Variants in ENO4 observed in about 807,000 individuals in gnomAD.
The protein encoded by ENO4 is 2-phospho-D-glycerate hydro-lyase.
In ENO4, 53 loss-of-function variants were observed where a neutral mutation model predicts 63.2. The observed-to-expected ratio is 0.84, with a 90% CI of 0.67 to 1.05. The LOEUF (loss-of-function observed/expected upper bound fraction) is 1.05. ENO4 is among the 50% of genes least tolerant of loss of function. The pLI is 0.00. For missense variants in ENO4, 719 were observed against 772.0 expected (o/e 0.93, Z 0.81); for synonymous variants, 266 against 283.8 (o/e 0.94, Z 0.63).
chr10:116,850,979 C>T (rs1259866867), intron 1 of ENO4, among the ~76,000 whole-genome samples: 2 of 152,206 alleles, frequency 1.3e-5, no homozygotes, highest in Non-Finnish European at 2.9e-5. Context: ...ATGCTTGACT[C>T]TCATTCCATT....
In ENO4 at chr10:116,855,511, C is replaced by G. The variant is rs181224360; in HGVS notation, c.166-112C>G. 6.0e-6 allele frequency: 8 copies of G among 1,341,446 alleles called. No homozygotes were observed. In the Admixed American group the frequency reaches 6.0e-5, roughly 10 times the overall value. 83.1% of individuals were successfully genotyped at this position (1,341,446 alleles called of 1,614,324 possible). ...TACTCGCGGAGAGGTTTGGTAGAAA[C>G]TAGAGTCAATGTGAATGACCTTTTG... On this transcript the variant is annotated intron_variant, in intron 1 of 13. Coordinates refer to ENST00000341276, the MANE Select transcript of ENO4 (RefSeq NM_001242699.2).
At chr10:116,881,429 CTGAAGA>C (rs1295069035) in intron 13 of ENO4, 80 bp from the exon 14 acceptor site, 4 of 1,057,626 alleles carry the variant, frequency 3.8e-6, no homozygotes, top group Non-Finnish European at 2.7e-6. Flanking sequence ...TGGACTAGTA[CTGAAGA>C]TGATCTCCTT....
chr10:116,869,742 T>A (rs1350675919), intron 8 of ENO4, among the ~76,000 whole-genome samples: 2 of 150,522 alleles, frequency 1.3e-5, no homozygotes, highest in Non-Finnish European at 2.9e-5. Flanking sequence ...ACATCAGCCT[T>A]CCCTGTAATA....
At chr10:116,878,326 C>T (rs1846892695) in intron 11 of ENO4, among the ~76,000 whole-genome samples, 1 of 152,180 alleles carries the variant, frequency 6.6e-6, no homozygotes, top group African/African-American at 2.4e-5. Context: ...GAAGAAGATG[C>T]TCAGGCAGGG....
intron 10 of ENO4, among the ~76,000 whole-genome samples, chr10:116,893,232 G>T (rs1295273152): frequency 2.0e-5 from 3 of 151,944 alleles, no homozygotes; most frequent in African/African-American, 7.3e-5. Context: ...TGGCAGCGGG[G>T]GAAGGAAAAA....
intron 10 of ENO4, among the ~76,000 whole-genome samples, chr10:116,893,607 A>C (rs948549455): frequency 4.1e-4 from 1 of 2,460 alleles, no homozygotes; most frequent in Non-Finnish European, 1.3e-3. Flanking sequence ...CGAGAAAGAA[A>C]GCGGAGAAGC....
intron 10 of ENO4, chr10:116,900,465 A>G (rs978527130): frequency 2.3e-5 from 30 of 1,304,986 alleles, no homozygotes; most frequent in Non-Finnish European, 3.1e-5. Context: ...TTGGAAATGT[A>G]ATTTCCACTT....
In ENO4 at chr10:116,856,529, T is replaced by G; in HGVS notation, c.332T>G (p.Val111Gly). 1 of 1,535,830 alleles carries G rather than the reference T, an allele frequency of 6.5e-7. No homozygotes were observed. Among genetic ancestry groups the G allele is most frequent in the Non-Finnish European group, 8.7e-7 (1 of 1,146,844 alleles). Residue 111 changes from valine to glycine, a missense_variant, in exon 3 of 14, where the codon GTC (valine) becomes GGC (glycine). Val to Gly is a moderately radical substitution (Grantham distance 109, BLOSUM62 -3). Transcript: ENST00000341276. Reference protein sequence around the residue: ...CSVVISTHFEVHENALPELAK... With the variant: ...CSVVISTHFEGHENALPELAK... ...GTGGTGATCTCGACTCATTTTGAAGTCCATGAGAATGCTCTGCCCGAGCTG... is the reference window on the plus strand; with the variant it reads ...GTGGTGATCTCGACTCATTTTGAAGGCCATGAGAATGCTCTGCCCGAGCTG...
At chr10:116,869,363 C>T (rs1220703879) in intron 8 of ENO4, among the ~76,000 whole-genome samples, 2 of 152,144 alleles carry the variant, frequency 1.3e-5, no homozygotes, top group South Asian at 2.1e-4. Context: ...AGAGCATGCA[C>T]ATGGGTGAAG....
At chr10:116,897,654 GA>G (rs1318218410) in intron 10 of ENO4, among the ~76,000 whole-genome samples, 11 of 152,158 alleles carry the variant, frequency 7.2e-5, no homozygotes, top group Admixed American at 7.2e-4. Flanking sequence ...TTTCCTATAT[GA>G]TCTAATTTAC....
chr10:116,903,205 A>T lies in ENO4; in HGVS notation c.1195-8294A>T, dbSNP rs114340862. On this transcript the variant is annotated intron_variant, in intron 10 of 10. Coordinates refer to the ENO4 transcript ENST00000369207. ...TAATTCACCTATACTCTCTAGGCAGACACGTTTGGACATTATTGGATATTT... is the reference window on the plus strand; with the variant it reads ...TAATTCACCTATACTCTCTAGGCAGTCACGTTTGGACATTATTGGATATTT... Among the ~76,000 whole-genome samples the T allele has an allele frequency of 7.2e-3, 1,095 of 152,308 alleles. 17 individuals are homozygous for T. Among genetic ancestry groups the T allele is most frequent in the African/African-American group, 0.025 (1,058 of 41,560 alleles).
In ENO4 at chr10:116,860,850, G is replaced by A. The variant is rs1053356841; in HGVS notation, c.691G>A (p.Val231Ile). 5.2e-6 allele frequency: 8 copies of A among 1,548,762 alleles called. No homozygotes were observed. The highest frequency in any genetic ancestry group is 3.3e-4 in the Middle Eastern group (2 of 6,014). ...TGCGCCTGCAGAGCCTGTTGAGCCTGTACTCAGTGGCAGTATGGCCATAGG... is the reference window on the plus strand; with the variant it reads ...TGCGCCTGCAGAGCCTGTTGAGCCTATACTCAGTGGCAGTATGGCCATAGG... ...PIAPAEPVEP[V>I]LSGSMAIGAV... Residue 231 changes from valine to isoleucine, a missense_variant, in exon 5 of 14, where the codon GTA becomes ATA. Physicochemically the swap from Val to Ile is conservative, Grantham distance 29. Transcript: ENST00000341276.
chr10:116,897,355 CT>C (rs1417144057), intron 10 of ENO4, among the ~76,000 whole-genome samples: 3 of 152,194 alleles, frequency 2.0e-5, no homozygotes, highest in African/African-American at 7.2e-5. Flanking sequence ...CCTCTTACTC[CT>C]TTTCCTAACC....
intron 7 of ENO4, among the ~76,000 whole-genome samples, chr10:116,865,522 T>A (rs781687835): frequency 6.6e-6 from 1 of 152,226 alleles, no homozygotes; most frequent in South Asian, 2.1e-4. Flanking sequence ...TCCTGTATCA[T>A]GTTGCCTGCC....
Position 116,861,190 on chromosome 10 carries a change from A to T in ENO4, c.936A>T (p.Gln312His). The change falls in exon 6 of 14, where the codon CAA (glutamine) becomes CAT (histidine). Residue 312 changes from glutamine (Q) to histidine (H), a missense_variant and splice_region_variant. This residue lies in a region of ENO4 where 544 missense variants were observed against 583.6 expected (regional missense o/e 0.93). Coordinates refer to ENST00000341276, the MANE Select transcript of ENO4 (RefSeq NM_001242699.2). ...CIPHPELTTK[Q>H]GVEMLMEMQK... is the part of the protein sequence containing the mutation. ...CCCATCCTGAATTAACAACCAAACA[A>T]GTACCTTACATTATCTTAAATTACC... 2.9e-6 allele frequency: 4 copies of T among 1,377,848 alleles called. No homozygotes were observed. Among genetic ancestry groups the T allele is most frequent in the Non-Finnish European group, 3.8e-6 (4 of 1,046,570 alleles). 85.4% of individuals were successfully genotyped at this position (1,377,848 alleles called of 1,614,324 possible). A position where few individuals can be genotyped will look rare whatever the true frequency, so the allele number is the denominator to read the frequency against.
downstream of ENO4, among the ~76,000 whole-genome samples, chr10:116,887,204 T>A (rs1428700177): frequency 6.6e-6 from 1 of 152,062 alleles, no homozygotes; most frequent in Non-Finnish European, 1.5e-5. Flanking sequence ...GAGAATCAGG[T>A]TTCTTGAGAA....
At chr10:116,867,931 C>T (rs1221314981) in intron 7 of ENO4, among the ~76,000 whole-genome samples, 1 of 152,212 alleles carries the variant, frequency 6.6e-6, no homozygotes, top group African/African-American at 2.4e-5. Flanking sequence ...TTCAGGGTCA[C>T]TGTATGTGCA....
chr10:116,900,623 T>G lies in ENO4; in HGVS notation c.1195-10876T>G, dbSNP rs17095423. 4.3e-3 allele frequency: 6,488 copies of G among 1,524,974 alleles called. 311 individuals are homozygous for G. In the East Asian group the frequency reaches 0.12, roughly 29 times the overall value. 94.5% of individuals were successfully genotyped at this position (1,524,974 alleles called of 1,614,324 possible). The stretch of plus-strand genomic sequence containing the variant: ...AACTAACTTGTCTCAGCCAAATTGC[T>G]TTTGTGTCTGGATATTGGTTCAAAT... On this transcript the variant is annotated intron_variant, in intron 10 of 10. Coordinates refer to the ENO4 transcript ENST00000369207.
At chr10:116,907,780 C>G in intron 10 of ENO4, 1 of 457,640 alleles carries the variant, frequency 2.2e-6, no homozygotes, top group South Asian at 1.6e-5. Context: ...AACCTCAAGT[C>G]TGGTATAACT....
Sources: allele counts gnomAD v4.1 joint callset (sites outside exome capture counted in the v4.1 genomes callset), GRCh38; gene constraint gnomAD v4.1.1; regional missense constraint gnomAD v4.1.1; transcripts MANE v1.5; gene names NCBI Gene and HGNC (gene_info 2026-07-23, HGNC 2026-07-21).